Variants in SLC35F1 observed in about 807,000 individuals in gnomAD.
The protein encoded by SLC35F1 is chromosome 6 open reading frame 169.
A neutral mutation model predicts 48.7 loss-of-function variants in SLC35F1; 14 were observed. That is an observed-to-expected ratio of 0.29 (90% CI 0.19 to 0.45). The LOEUF is 0.45. SLC35F1 is among the 20% of genes least tolerant of loss of function. SLC35F1 has a pLI of 1.00. For synonymous variants in SLC35F1, 190 were observed against 202.2 expected (o/e 0.94, Z 0.51); for missense variants, 404 against 500.0 (o/e 0.81, Z 1.83).
chr6:118,172,414 A>G (rs1283670607), intron 2 of SLC35F1, among the ~76,000 whole-genome samples: 1 of 152,116 alleles, frequency 6.6e-6, no homozygotes, highest in African/African-American at 2.4e-5. Flanking sequence ...TGGCATTTTT[A>G]TTAACGTCTC....
At chr6:117,988,983 G>T (rs75355997) in intron 1 of SLC35F1, among the ~76,000 whole-genome samples, 2,716 of 152,254 alleles carry the variant, frequency 0.018, 32 homozygotes, top group East Asian at 0.032. Flanking sequence ...TGTAAGTTTT[G>T]GGAGGTGTCA....
chr6:117,963,587 T>C (rs1776523983), intron 1 of SLC35F1, among the ~76,000 whole-genome samples: 1 of 152,206 alleles, frequency 6.6e-6, no homozygotes, highest in Non-Finnish European at 1.5e-5. Context: ...ATTGATGCTT[T>C]TTAAACTCCT....
At chr6:118,164,239 A>G (rs1774282935) in intron 2 of SLC35F1, among the ~76,000 whole-genome samples, 1 of 152,202 alleles carries the variant, frequency 6.6e-6, no homozygotes, top group South Asian at 2.1e-4. Context: ...AATAAAACAA[A>G]ATATGATTAG....
intron 2 of SLC35F1, among the ~76,000 whole-genome samples, chr6:118,189,124 G>A (rs1395656191): frequency 6.6e-6 from 1 of 152,000 alleles, no homozygotes; most frequent in Non-Finnish European, 1.5e-5. Context: ...TGTTGTTCAG[G>A]TTAGTCTTGA....
intron 6 of SLC35F1, among the ~76,000 whole-genome samples, chr6:118,283,351 G>A (rs937781278): frequency 6.6e-6 from 1 of 152,128 alleles, no homozygotes; most frequent in Non-Finnish European, 1.5e-5. Flanking sequence ...TTGTCTTTCT[G>A]CATAGCATTA....
intron 1 of SLC35F1, among the ~76,000 whole-genome samples, chr6:118,036,878 G>A (rs1228350189): frequency 6.6e-6 from 1 of 152,066 alleles, no homozygotes; most frequent in East Asian, 1.9e-4. Context: ...TTAAAAATCA[G>A]GCTGTTCTAT....
At chr6:118,079,613 C>T (rs1284623047) in intron 1 of SLC35F1, among the ~76,000 whole-genome samples, 1 of 152,174 alleles carries the variant, frequency 6.6e-6, no homozygotes, top group South Asian at 2.1e-4. Flanking sequence ...TTACTCCATA[C>T]GTGACTGAAG....
intron 1 of SLC35F1, among the ~76,000 whole-genome samples, chr6:117,987,578 G>T (rs1273434296): frequency 1.3e-5 from 2 of 152,082 alleles, no homozygotes; most frequent in Admixed American, 1.3e-4. Context: ...ATTTGAGCTT[G>T]TTCCACTTTC....
chr6:118,265,107 A>G (rs1000529414), intron 3 of SLC35F1, among the ~76,000 whole-genome samples: 1 of 152,216 alleles, frequency 6.6e-6, no homozygotes, highest in Non-Finnish European at 1.5e-5. Flanking sequence ...TTCATTTTGC[A>G]GAGGAGAAGA....
intron 2 of SLC35F1, among the ~76,000 whole-genome samples, chr6:118,184,882 A>T (rs552355302): frequency 6.6e-6 from 1 of 152,282 alleles, no homozygotes; most frequent in South Asian, 2.1e-4. Context: ...TTGGGCCATG[A>T]TTCCAAAATC....
intron 1 of SLC35F1, among the ~76,000 whole-genome samples, chr6:118,089,070 G>A (rs186626298): frequency 6.6e-6 from 1 of 152,156 alleles, no homozygotes; most frequent in Admixed American, 6.5e-5. Context: ...AAATCATGGT[G>A]CCTAGAACAA....
At chr6:118,175,640 C>T (rs939684199) in intron 2 of SLC35F1, among the ~76,000 whole-genome samples, 1 of 152,136 alleles carries the variant, frequency 6.6e-6, no homozygotes, top group Non-Finnish European at 1.5e-5. Context: ...ATTGATCAGC[C>T]TCACCTTCAC....
At chr6:118,287,897 G>T (rs1776070292) in intron 7 of SLC35F1, among the ~76,000 whole-genome samples, 1 of 152,114 alleles carries the variant, frequency 6.6e-6, no homozygotes, top group Non-Finnish European at 1.5e-5. Flanking sequence ...AAACCATGTA[G>T]TAACCCCTCA....
intron 2 of SLC35F1, among the ~76,000 whole-genome samples, chr6:118,210,457 G>C (rs115849387): frequency 0.019 from 2,961 of 152,240 alleles, 97 homozygotes; most frequent in African/African-American, 0.067. Flanking sequence ...CAGCAAAAAA[G>C]AAACGAAGTA....
intron 2 of SLC35F1, among the ~76,000 whole-genome samples, chr6:118,185,544 T>C (rs557549557): frequency 3.9e-5 from 6 of 152,308 alleles, no homozygotes; most frequent in African/African-American, 1.4e-4. Context: ...CTTATCCGTA[T>C]AGTAACCTGA....
intron 1 of SLC35F1, among the ~76,000 whole-genome samples, chr6:118,110,527 C>A (rs1344648078): frequency 2.0e-5 from 3 of 152,032 alleles, no homozygotes; most frequent in African/African-American, 4.8e-5. Flanking sequence ...TTATTGAGAG[C>A]CAGACATAAT....
At chr6:118,168,589 T>C (rs750941961) in intron 2 of SLC35F1, among the ~76,000 whole-genome samples, 2 of 152,148 alleles carry the variant, frequency 1.3e-5, no homozygotes, top group Non-Finnish European at 2.9e-5. Context: ...AAAGTGAAAA[T>C]GCAGATAAGG....
chr6:118,134,149 G>A (rs762296442), intron 1 of SLC35F1, among the ~76,000 whole-genome samples: 26 of 152,196 alleles, frequency 1.7e-4, no homozygotes, highest in Non-Finnish European at 2.6e-4. Context: ...CAGCACATCA[G>A]AAAAAGGAGA....
chr6:118,007,385 G>A (rs950839736), intron 1 of SLC35F1, among the ~76,000 whole-genome samples: 3 of 152,126 alleles, frequency 2.0e-5, no homozygotes, highest in Non-Finnish European at 2.9e-5. Flanking sequence ...TCAAACCACA[G>A]CAACCACCTA....
Sources: allele counts gnomAD v4.1 joint callset (sites outside exome capture counted in the v4.1 genomes callset), GRCh38; gene constraint gnomAD v4.1.1; transcripts MANE v1.5; gene names NCBI Gene and HGNC (gene_info 2026-07-23, HGNC 2026-07-21).